CCBE1: variants seen among roughly 807,000 people sequenced by gnomAD.
CCBE1 encodes collagen and calcium binding EGF domains 1.
Under a neutral mutation model 50.0 loss-of-function variants are expected in CCBE1, and 37 were observed. The ratio of observed to expected loss-of-function variants is 0.74; its 90% CI spans 0.57 to 0.97. The LOEUF (loss-of-function observed/expected upper bound fraction) is 0.97, where lower values mean the gene tolerates loss of function less well. Ranked by LOEUF, CCBE1 falls within the 50% of genes least tolerant of loss-of-function variation. The probability of loss-of-function intolerance (pLI) is 0.00; values close to 1 mark genes in which losing one functional copy is unlikely to be tolerated. For synonymous variants in CCBE1, 234 were observed against 203.7 expected, an observed-to-expected ratio of 1.15 and a Z score of -1.27; for missense variants, 538 against 523.8, an observed-to-expected ratio of 1.03 and a Z score of -0.26.
In CCBE1 at chr18:59,463,661, A is replaced by C. The variant is rs1598921760; in HGVS notation, c.553+3078T>G. ...AGGCCACTCTCCCTCACAGGCAGGA[A>C]CTCCTTGTGGGCGGGGCCAGGTCCT... is the stretch of plus-strand genomic sequence containing the variant. On this transcript the variant is annotated intron_variant, in intron 5 of 10. Transcript: ENST00000439986. 2.0e-5 allele frequency among the ~76,000 whole-genome samples: 3 copies of C among 152,182 alleles called. No homozygotes were observed. The East Asian group carries it at 5.8e-4, about 29-fold the overall frequency.
At position 59,447,811 on chromosome 18, in the gene CCBE1, G is replaced by C. The variant is rs565232531; in HGVS notation, c.775+172C>G. Among the ~76,000 whole-genome samples, 14 of 152,328 alleles carry C rather than the reference G, an allele frequency of 9.2e-5. No homozygotes were observed. In the South Asian group the frequency reaches 2.9e-3, roughly 32 times the overall value. On this transcript the variant is annotated intron_variant, in intron 7 of 10. Coordinates refer to ENST00000439986, the MANE Select transcript of CCBE1 (RefSeq NM_133459.4). Reference sequence around the variant, plus strand: ...GGCTATGAGGGTTTCTCAGGCTTGAGGGCCTATTTCCCAGGCTCTCTCATT... The same window carrying C: ...GGCTATGAGGGTTTCTCAGGCTTGACGGCCTATTTCCCAGGCTCTCTCATT...
chr18:59,660,347 G>A (rs2054266133), intron 2 of CCBE1, among the ~76,000 whole-genome samples: 1 of 152,062 alleles, frequency 6.6e-6, no homozygotes, highest in African/African-American at 2.4e-5. Flanking sequence ...AATAGAGGCT[G>A]ATTCCTTATA....
At chr18:59,535,503 G>T (rs1915211547) in intron 2 of CCBE1, among the ~76,000 whole-genome samples, 1 of 152,148 alleles carries the variant, frequency 6.6e-6, no homozygotes, top group Admixed American at 6.5e-5. Flanking sequence ...CATAGCCAAG[G>T]TCAAAGTGTG....
chr18:59,521,866 C>A (rs1258249931), intron 2 of CCBE1, among the ~76,000 whole-genome samples: 2 of 152,128 alleles, frequency 1.3e-5, no homozygotes, highest in Non-Finnish European at 2.9e-5. Context: ...ATAAACTATA[C>A]TTTGGTTGGG....
At position 59,573,559 on chromosome 18, in the gene CCBE1, T is replaced by C. The variant is rs139724546; in HGVS notation, c.213-93321A>G. On this transcript the variant is annotated intron_variant, in intron 2 of 10. Transcript: ENST00000439986. ...TTTCTCTGAGGACTCCTGACCAACA[T>C]ATAGTCCCCAACCCTAATTTTTAAC... Among the ~76,000 whole-genome samples, 904 of 151,984 alleles carry C rather than the reference T, an allele frequency of 5.9e-3. 7 individuals are homozygous for C. The highest frequency in any genetic ancestry group is 0.013 in the African/African-American group (521 of 41,470).
rs775409882 is a variant in CCBE1, at chr18:59,435,850, G to A, written c.*58C>T. Reference sequence around the variant, plus strand: ...CAGTGGTCTTTCTTCTCTTTAGATGGTTTAACTGCAGGTGAGTTGATCTTT... The same window carrying A: ...CAGTGGTCTTTCTTCTCTTTAGATGATTTAACTGCAGGTGAGTTGATCTTT... On this transcript the variant is annotated 3_prime_UTR_variant, in exon 11 of 11. Transcript: ENST00000439986. 41 of 1,453,412 alleles carry A rather than the reference G, an allele frequency of 2.8e-5. No individual in the cohort carries two copies. Among genetic ancestry groups the A allele is most frequent in the Non-Finnish European group, 3.8e-5 (39 of 1,033,228 alleles). The allele number at this position is 1,453,412 out of a possible 1,614,324, so 90.0% of individuals were successfully genotyped here. A position where few individuals can be genotyped will look rare whatever the true frequency, so the allele number is the denominator to read the frequency against.
At chr18:59,446,487 C>T (rs149184741) in intron 7 of CCBE1, among the ~76,000 whole-genome samples, 37 of 152,324 alleles carry the variant, frequency 2.4e-4, no homozygotes, top group Middle Eastern at 3.4e-3. Context: ...CGGAGTACCT[C>T]AGGCCAAGGG....
chr18:59,466,997 T>G, intron 4 of CCBE1, 106 bp from the exon 5 acceptor site: 1 of 994,134 alleles, frequency 1.0e-6, no homozygotes, highest in Non-Finnish European at 1.6e-6. Context: ...GAAGGACACT[T>G]GGGCCGACCT....
intron 2 of CCBE1, among the ~76,000 whole-genome samples, chr18:59,542,238 T>C (rs993858064): frequency 8.0e-6 from 1 of 124,290 alleles, no homozygotes; most frequent in Non-Finnish European, 1.7e-5. Context: ...TTCTCAGTGC[T>C]GCCTGGGTGC....
intron 2 of CCBE1, among the ~76,000 whole-genome samples, chr18:59,614,146 T>G (rs2053607718): frequency 6.6e-6 from 1 of 152,086 alleles, no homozygotes; most frequent in Non-Finnish European, 1.5e-5. Flanking sequence ...GCTGAGATTA[T>G]AGCCACACAC....
At chr18:59,465,809 AAC>A (rs963208646) in intron 5 of CCBE1, 5 of 152,158 alleles carry the variant, frequency 3.3e-5, no homozygotes, top group East Asian at 1.9e-4. Flanking sequence ...TCTTTGGGAA[AAC>A]ACAGCGTTTC....
At chr18:59,676,856 T>A (rs1293665863) in intron 2 of CCBE1, among the ~76,000 whole-genome samples, 1 of 152,122 alleles carries the variant, frequency 6.6e-6, no homozygotes, top group East Asian at 1.9e-4. Flanking sequence ...AATTAGGATT[T>A]AAGTGGGGGG....
At chr18:59,646,236 C>G (rs550129101) in intron 2 of CCBE1, among the ~76,000 whole-genome samples, 1 of 152,148 alleles carries the variant, frequency 6.6e-6, no homozygotes, top group African/African-American at 2.4e-5. Flanking sequence ...ATTTAAAAGG[C>G]TATCCCGATG....
intron 2 of CCBE1, among the ~76,000 whole-genome samples, chr18:59,633,545 A>C (rs1345566525): frequency 6.6e-6 from 1 of 152,182 alleles, no homozygotes; most frequent in South Asian, 2.1e-4. Context: ...TCATCTGTAC[A>C]TTTCATTAAG....
chr18:59,656,388 G>A (rs1212721393), intron 2 of CCBE1, among the ~76,000 whole-genome samples: 3 of 152,184 alleles, frequency 2.0e-5, no homozygotes, highest in Non-Finnish European at 4.4e-5. Context: ...GAACATGAAG[G>A]GTTTTGAGTT....
At position 59,477,538 on chromosome 18, in the gene CCBE1, CTGTGTGTGTG is replaced by C. The variant is rs55840819; in HGVS notation, c.265+2638_265+2647del. Among the ~76,000 whole-genome samples, 429 of 149,990 alleles carry C rather than the reference CTGTGTGTGTG, an allele frequency of 2.9e-3. 6 individuals carry two copies. In the East Asian group the frequency reaches 0.041, roughly 14 times the overall value. Reference sequence around the variant, plus strand: ...CTTTCCATGGATTATTTCCATGTCTCTGTGTGTGTGTGTGTGTGTGTGTGTGTGCACCTGC... The same window carrying C: ...CTTTCCATGGATTATTTCCATGTCTCTGTGTGTGTGTGTGTGTGCACCTGC... On this transcript the variant is annotated intron_variant, in intron 3 of 10. Coordinates refer to ENST00000439986, the MANE Select transcript of CCBE1 (RefSeq NM_133459.4).
At chr18:59,689,579 G>A (rs557757989) in intron 2 of CCBE1, among the ~76,000 whole-genome samples, 120 of 152,344 alleles carry the variant, frequency 7.9e-4, no homozygotes, top group Non-Finnish European at 1.6e-3. Flanking sequence ...TTCAAGAAGT[G>A]TCACATACTT....
chr18:59,439,887 C>T, intron 7 of CCBE1, 71 bp from the exon 8 acceptor site: 1 of 1,543,916 alleles, frequency 6.5e-7, no homozygotes, highest in South Asian at 1.2e-5. Context: ...AACAAGAGTC[C>T]AGGACCCCTG....
At chr18:59,575,052 G>A (rs1042563822) in intron 2 of CCBE1, among the ~76,000 whole-genome samples, 32 of 152,148 alleles carry the variant, frequency 2.1e-4, no homozygotes, top group African/African-American at 7.5e-4. Context: ...GCAGAGGATC[G>A]GGGCGATTCT....
Sources: gnomAD v4.1 joint callset for allele counts (sites outside exome capture counted in the v4.1 genomes callset) on GRCh38, gnomAD v4.1.1 for gene constraint, MANE v1.5 for transcripts, NCBI Gene and HGNC (gene_info 2026-07-23, HGNC 2026-07-21) for gene names.